PMM2: variants seen among roughly 807,000 people sequenced by gnomAD.
PMM2 encodes phosphomannomutase 2.
In PMM2, 35 loss-of-function variants were observed where a neutral mutation model predicts 33.2. That is an observed-to-expected ratio of 1.06 (90% CI 0.81 to 1.40). The LOEUF (loss-of-function observed/expected upper bound fraction) is 1.40. PMM2 is among the 40% of genes most tolerant of loss of function. The pLI is 0.00. For synonymous variants in PMM2, 153 were observed against 114.7 expected (o/e 1.33, Z -2.13); for missense variants, 386 against 306.0 (o/e 1.26, Z -1.95).
chr16:8,828,810 G>A (rs1242067054), intron 7 of PMM2, among the ~76,000 whole-genome samples: 1 of 152,160 alleles, frequency 6.6e-6, no homozygotes, highest in African/African-American at 2.4e-5. Flanking sequence ...GGTTTGGTTT[G>A]CGCTGTATCT....
intron 7 of PMM2, among the ~76,000 whole-genome samples, chr16:8,820,351 C>CTCTTTTTTTTTTT (rs2060731268): frequency 7.5e-6 from 1 of 133,176 alleles, no homozygotes; most frequent in African/African-American, 3.1e-5. Flanking sequence ...CACAGTTCTT[C>CTCTTTTTTTTTTT]TTTTTTTTTT....
chr16:8,840,037 G>T (rs2060879411), intron 7 of PMM2, among the ~76,000 whole-genome samples: 1 of 151,872 alleles, frequency 6.6e-6, no homozygotes, highest in African/African-American at 2.4e-5. Flanking sequence ...GGTGTAGGGA[G>T]ATGGGAGATG....
intron 7 of PMM2, among the ~76,000 whole-genome samples, chr16:8,825,501 A>G (rs2060761992): frequency 6.6e-6 from 1 of 151,796 alleles, no homozygotes; most frequent in East Asian, 2.0e-4. Context: ...TGTATTTTTT[A>G]GTAGAGACTG....
At chr16:8,830,550 G>C (rs1046042394) in intron 7 of PMM2, among the ~76,000 whole-genome samples, 1 of 152,070 alleles carries the variant, frequency 6.6e-6, no homozygotes, top group African/African-American at 2.4e-5. Context: ...GCTGTCTTCT[G>C]TCCTTGGGTG....
intron 7 of PMM2, among the ~76,000 whole-genome samples, chr16:8,821,939 T>C (rs1011271067): frequency 6.6e-6 from 1 of 152,248 alleles, no homozygotes; most frequent in Non-Finnish European, 1.5e-5. Context: ...TCTTGTCTCA[T>C]TGGCCCTGTA....
At chr16:8,803,329 G>A (rs776456886) in intron 2 of PMM2, among the ~76,000 whole-genome samples, 48 of 152,238 alleles carry the variant, frequency 3.2e-4, no homozygotes, top group Admixed American at 4.6e-4. Flanking sequence ...TGGGGATCAC[G>A]AAGCCCTGAA....
intron 7 of PMM2, among the ~76,000 whole-genome samples, chr16:8,820,901 C>G (rs1430423167): frequency 6.6e-6 from 1 of 152,170 alleles, no homozygotes; most frequent in African/African-American, 2.4e-5. Context: ...GAGCACCTTC[C>G]TACACACCTT....
intron 7 of PMM2, among the ~76,000 whole-genome samples, chr16:8,814,224 C>G (rs138583024): frequency 4.3e-4 from 66 of 152,212 alleles, no homozygotes; most frequent in Non-Finnish European, 4.9e-4. Flanking sequence ...ATCTGCCTGC[C>G]TCAGCGATCC....
At chr16:8,802,781 G>A (rs545470151) in intron 2 of PMM2, among the ~76,000 whole-genome samples, 70 of 149,412 alleles carry the variant, frequency 4.7e-4, no homozygotes, top group African/African-American at 1.7e-3. Flanking sequence ...AATGAGCCGA[G>A]ATCACACCAT....
intron 7 of PMM2, among the ~76,000 whole-genome samples, chr16:8,829,646 C>A (rs62033462): frequency 1.3e-5 from 2 of 152,156 alleles, no homozygotes; most frequent in Non-Finnish European, 2.9e-5. Context: ...CGCCTTCCAC[C>A]GGGAATTCAA....
chr16:8,814,108 C>T (rs2141025038), intron 7 of PMM2, among the ~76,000 whole-genome samples: 1 of 152,068 alleles, frequency 6.6e-6, no homozygotes, highest in Non-Finnish European at 1.5e-5. Flanking sequence ...CTCAAGTGAT[C>T]CAATCAACTC....
At chr16:8,813,184 C>T in intron 7 of PMM2, 78 bp downstream of exon 7, 1 of 927,292 alleles carries the variant, frequency 1.1e-6, no homozygotes, top group Non-Finnish European at 1.8e-6. Flanking sequence ...GGCTGTTTTT[C>T]CTGTACCTAC....
At chr16:8,826,844 T>C (rs962149068) in intron 7 of PMM2, among the ~76,000 whole-genome samples, 1 of 152,202 alleles carries the variant, frequency 6.6e-6, no homozygotes. Flanking sequence ...ACAGAGACCA[T>C]CTATGCCATG....
intron 7 of PMM2, chr16:8,832,547 T>G: frequency 1.0e-6 from 1 of 985,374 alleles, no homozygotes; most frequent in Non-Finnish European, 1.2e-6. Context: ...CTAGCAACTG[T>G]CAGGGGACTA....
intron 7 of PMM2, among the ~76,000 whole-genome samples, chr16:8,844,694 C>T (rs1462060480): frequency 1.3e-5 from 2 of 152,206 alleles, no homozygotes; most frequent in African/African-American, 4.8e-5. Context: ...GGAAGGCTGC[C>T]TTCCCAGTCC....
chr16:8,836,437 G>A (rs530373448), intron 7 of PMM2, among the ~76,000 whole-genome samples: 60 of 152,140 alleles, frequency 3.9e-4, no homozygotes, highest in African/African-American at 1.4e-3. Context: ...CGGGCTGTGG[G>A]CATTCCTTGG....
chr16:8,810,757 T>C (rs1596488561), intron 4 of PMM2: 1 of 376,662 alleles, frequency 2.7e-6, no homozygotes. Context: ...TTGTATTTTT[T>C]GTAGAGACAG....
intron 2 of PMM2, among the ~76,000 whole-genome samples, chr16:8,804,503 G>T (rs1207114131): frequency 1.3e-5 from 2 of 152,070 alleles, no homozygotes; most frequent in Non-Finnish European, 1.5e-5. Context: ...AGACAGTCAG[G>T]CTGAAGTCAG....
rs1335235593 is a variant in PMM2 at position 8,804,836 on chromosome 16, G to A, written c.248G>A (p.Cys83Tyr). The A allele has an allele frequency of 9.4e-6, 15 of 1,599,282 alleles. No individual in the cohort carries two copies. The Admixed American group carries it at 1.2e-4, about 12-fold the overall frequency. ...GCATACAAAGATGGGAAACTCTTGT[G>A]TAGACAGGTAGGTTCTTGAGTATCT... ...LVAYKDGKLLCRQNIQSHLGE... is the reference protein window; with the variant it reads ...LVAYKDGKLLYRQNIQSHLGE... Residue 83 changes from cysteine (C) to tyrosine (Y), a missense_variant, in exon 3 of 8, where the codon TGT becomes TAT. By Grantham distance (194) the Cys-to-Tyr change is radical (BLOSUM62 -2). Coordinates refer to ENST00000268261, the MANE Select transcript of PMM2 (RefSeq NM_000303.3).
Sources: gnomAD v4.1 joint callset for allele counts (sites outside exome capture counted in the v4.1 genomes callset) on GRCh38, gnomAD v4.1.1 for gene constraint, MANE v1.5 for transcripts, NCBI Gene and HGNC (gene_info 2026-07-23, HGNC 2026-07-21) for gene names.